GPR107: variants seen among roughly 807,000 people sequenced by gnomAD.
GPR107 encodes G protein-coupled receptor 107, also known as protein GPR107.
A neutral mutation model predicts 75.5 loss-of-function variants in GPR107; 31 were observed. The ratio of observed to expected loss-of-function variants is 0.41; its 90% CI spans 0.31 to 0.55. GPR107 has a LOEUF of 0.55. GPR107 is among the 20% of genes least tolerant of loss of function. The probability of loss-of-function intolerance (pLI) is 0.26; values close to 1 mark genes in which losing one functional copy is unlikely to be tolerated. For synonymous variants in GPR107, 267 were observed against 251.3 expected, an observed-to-expected ratio of 1.06 and a Z score of -0.59; for missense variants, 572 against 665.7, an observed-to-expected ratio of 0.86 and a Z score of 1.55.
chr9:130,113,028 G>C (rs1288336721), intron 14 of GPR107, among the ~76,000 whole-genome samples: 2 of 152,104 alleles, frequency 1.3e-5, no homozygotes, highest in African/African-American at 4.8e-5. Context: ...GAGATAACAG[G>C]CATGAGCCAC....
intron 1 of GPR107, among the ~76,000 whole-genome samples, chr9:130,068,209 C>T (rs1000179409): frequency 8.6e-5 from 13 of 151,994 alleles, no homozygotes; most frequent in African/African-American, 2.4e-4. Flanking sequence ...TTTTGTAAGT[C>T]GGCTGGCTCA....
intron 9 of GPR107, 99 bp downstream of exon 9, chr9:130,092,480 G>T: frequency 2.1e-6 from 2 of 967,552 alleles, no homozygotes; most frequent in Non-Finnish European, 3.3e-6. Context: ...ACTTAGCAGT[G>T]TTGTTCCTTT....
At chr9:130,076,744 C>G (rs941277782) in intron 3 of GPR107, among the ~76,000 whole-genome samples, 11 of 151,866 alleles carry the variant, frequency 7.2e-5, no homozygotes, top group Admixed American at 6.6e-4. Context: ...AACTCCTGGA[C>G]TCAAGGGATC....
At position 130,083,671 on chromosome 9, in the gene GPR107, T is replaced by C. The variant is rs1326214723; in HGVS notation, c.564+69T>C. 8 of 747,862 alleles carry C rather than the reference T, an allele frequency of 1.1e-5. No homozygotes were observed. The Admixed American group carries it at 1.9e-4, about 18-fold the overall frequency. 46.3% of individuals were successfully genotyped at this position (747,862 alleles called of 1,614,324 possible). ...TGTGTACGTGTGTGTGTTATATGCA[T>C]GTGTGTGTGTGTATTGATATATATA... On this transcript the variant is annotated intron_variant, in intron 6 of 17. Transcript: ENST00000347136.
At chr9:130,061,789 C>CA (rs1367201257) in intron 1 of GPR107, among the ~76,000 whole-genome samples, 1 of 151,950 alleles carries the variant, frequency 6.6e-6, no homozygotes, top group Non-Finnish European at 1.5e-5. Context: ...GTTAAAAATA[C>CA]AAAAATTAGC....
Position 130,093,531 on chromosome 9 carries a change from C to T in GPR107, c.863+1150C>T, listed in dbSNP as rs557258637. Among the ~76,000 whole-genome samples, 9 of 152,240 alleles carry T rather than the reference C, an allele frequency of 5.9e-5. 1 individual carries two copies. In the South Asian group the frequency reaches 6.2e-4, roughly 11 times the overall value. On this transcript the variant is annotated intron_variant, in intron 9 of 17. Coordinates refer to ENST00000347136, the MANE Select transcript of GPR107 (RefSeq NM_020960.5). ...TTGATTGTCTTCTAATGAACATGCTCGGAGTCTGGTATATTAGACTCTGGC... is the reference window on the plus strand; with the variant it reads ...TTGATTGTCTTCTAATGAACATGCTTGGAGTCTGGTATATTAGACTCTGGC...
chr9:130,069,402 C>T (rs1564660600), intron 1 of GPR107, among the ~76,000 whole-genome samples: 1 of 152,158 alleles, frequency 6.6e-6, no homozygotes, highest in South Asian at 2.1e-4. Flanking sequence ...TTGCCTGTGT[C>T]AGTGCTAATG....
At position 130,121,109 on chromosome 9, in the gene GPR107, A is replaced by G. The variant is rs543935791; in HGVS notation, c.1307-3806A>G. On this transcript the variant is annotated intron_variant, in intron 14 of 17. Transcript: ENST00000347136. ...CTGTTTGAGATCATGTAAGCCCAGC[A>G]GGCTGAGGCTTCAGTGAACCATCAT... 2.6e-5 allele frequency among the ~76,000 whole-genome samples: 4 copies of G among 152,270 alleles called. No individual in the cohort carries two copies. The South Asian group carries it at 8.3e-4, about 32-fold the overall frequency.
intron 9 of GPR107, among the ~76,000 whole-genome samples, chr9:130,097,831 C>T (rs1213020047): frequency 6.6e-6 from 1 of 151,854 alleles, no homozygotes; most frequent in Non-Finnish European, 1.5e-5. Context: ...CTCAGCCTCC[C>T]GAATAGCTGA....
chr9:130,085,896 A>T (rs796847183), intron 6 of GPR107, among the ~76,000 whole-genome samples: 2 of 151,432 alleles, frequency 1.3e-5, no homozygotes, highest in African/African-American at 4.8e-5. Context: ...GATTATAGAC[A>T]CGCACCACCA....
At chr9:130,061,660 C>T (rs1485630903) in intron 1 of GPR107, among the ~76,000 whole-genome samples, 1 of 152,080 alleles carries the variant, frequency 6.6e-6, no homozygotes, top group African/African-American at 2.4e-5. Context: ...TTAGCCAGGG[C>T]AGGCCGGGCG....
chr9:130,108,968 C>T (rs1474492604), intron 14 of GPR107: 5 of 283,118 alleles, frequency 1.8e-5, no homozygotes, highest in South Asian at 1.2e-4. Flanking sequence ...TACAAATCCA[C>T]CTCTAGGAAT....
chr9:130,110,576 T>A (rs1429615960), intron 14 of GPR107: 2 of 639,446 alleles, frequency 3.1e-6, no homozygotes, highest in African/African-American at 1.8e-5. Flanking sequence ...TTTCCCTGAA[T>A]TGATTGAGGC....
At chr9:130,133,057 C>CTCG (rs1554899423) in intron 17 of GPR107, 1 of 152,162 alleles carries the variant, frequency 6.6e-6, no homozygotes, top group African/African-American at 2.4e-5. Flanking sequence ...TCAGCCCGAG[C>CTCG]CATCACCGAA....
chr9:130,090,843 G>C (rs770747677), intron 7 of GPR107, 33 bp from the exon 8 acceptor site: 10 of 773,610 alleles, frequency 1.3e-5, no homozygotes, highest in Admixed American at 2.4e-5. Context: ...TGAGGATTTG[G>C]GTACCTTTAA....
At chr9:130,073,180 T>G (rs1830252966) in intron 1 of GPR107, among the ~76,000 whole-genome samples, 1 of 152,202 alleles carries the variant, frequency 6.6e-6, no homozygotes, top group African/African-American at 2.4e-5. Flanking sequence ...ATACGTTGTT[T>G]TATGTGGCAG....
rs1185998872 is a variant in GPR107, at chr9:130,139,028, GGAAACAGAT to G, written c.*3908_*3916del. 2.0e-5 allele frequency: 3 copies of G among 152,182 alleles called. No individual in the cohort carries two copies. The highest frequency in any genetic ancestry group is 7.3e-5 in the African/African-American group (3 of 41,360). The allele number at this position is 152,182 out of a possible 1,614,324, so 9.4% of individuals were successfully genotyped here. On this transcript the variant is annotated 3_prime_UTR_variant, in exon 18 of 18. Coordinates refer to ENST00000347136, the MANE Select transcript of GPR107 (RefSeq NM_020960.5). ...TGCTGCCAAGCTGCTGTACTTCAAA[GGAAACAGAT>G]CTAGCACACTGCTGCACCCCTGCTT...
At chr9:130,082,827 T>C (rs806856) in intron 5 of GPR107, among the ~76,000 whole-genome samples, 1,833 of 152,120 alleles carry the variant, frequency 0.012, 24 homozygotes, top group Middle Eastern at 0.054. Flanking sequence ...CTCTGTTCCA[T>C]GAAAGAAGCC....
Position 130,062,702 on chromosome 9 carries a change from C to T in GPR107, c.141+8629C>T, listed in dbSNP as rs560173134. Reference sequence around the variant, plus strand: ...CCTTCCTTCCTTCCTTCCTTCCTTCCGTTTGTCTGTCCATCCGTCTTTTAT... The same window carrying T: ...CCTTCCTTCCTTCCTTCCTTCCTTCTGTTTGTCTGTCCATCCGTCTTTTAT... On this transcript the variant is annotated intron_variant, in intron 1 of 17. Transcript: ENST00000347136. 4.8e-5 allele frequency among the ~76,000 whole-genome samples: 7 copies of T among 146,128 alleles called. No individual in the cohort carries two copies. In the South Asian group the frequency reaches 8.7e-4, roughly 18 times the overall value.
Sources: allele counts gnomAD v4.1 joint callset (sites outside exome capture counted in the v4.1 genomes callset), GRCh38; gene constraint gnomAD v4.1.1; transcripts MANE v1.5; gene names NCBI Gene and HGNC (gene_info 2026-07-23, HGNC 2026-07-21).